Variants in PDIK1L observed in about 807,000 individuals in gnomAD.
PDIK1L encodes the protein serine/threonine-protein kinase PDIK1L.
A neutral mutation model predicts 27.1 loss-of-function variants in PDIK1L; 9 were observed. The observed-to-expected ratio is 0.33, with a 90% CI of 0.20 to 0.58. PDIK1L has a LOEUF of 0.58. Ranked by LOEUF, PDIK1L falls within the 20% of genes least tolerant of loss-of-function variation. PDIK1L has a pLI of 0.86. For missense variants in PDIK1L, 216 were observed against 413.2 expected, an observed-to-expected ratio of 0.52 and a Z score of 4.14; for synonymous variants, 130 against 141.7, an observed-to-expected ratio of 0.92 and a Z score of 0.59.
In PDIK1L at chr1:26,116,958, C is replaced by T. The variant is rs537595973; in HGVS notation, c.285+2365C>T. On this transcript the variant is annotated intron_variant, in intron 2 of 2. Transcript: ENST00000374269. ...CTTGAACTTCTGACCTCAGGTGATC[C>T]ACCCACCTCGGCCTCCCAAAGTGTT... 7.2e-5 allele frequency among the ~76,000 whole-genome samples: 11 copies of T among 151,814 alleles called. No individual in the cohort carries two copies. The East Asian group carries it at 1.9e-3, about 27-fold the overall frequency.
Position 26,122,901 on chromosome 1 carries a change from C to T in PDIK1L, c.*324C>T, listed in dbSNP as rs548770558. 10 of 186,676 alleles carry T rather than the reference C, an allele frequency of 5.4e-5. No individual in the cohort carries two copies. Among genetic ancestry groups the T allele is most frequent in the Middle Eastern group, 2.3e-3 (1 of 436 alleles). 11.6% of individuals were successfully genotyped at this position (186,676 alleles called of 1,614,324 possible). ...GTCTTTAAGTATTTTAGACATTCCTCGTCAGTATTAGGAATTTCCATGGGA... is the reference window on the plus strand; with the variant it reads ...GTCTTTAAGTATTTTAGACATTCCTTGTCAGTATTAGGAATTTCCATGGGA... On this transcript the variant is annotated 3_prime_UTR_variant, in exon 3 of 3. Coordinates refer to ENST00000374269, the MANE Select transcript of PDIK1L (RefSeq NM_152835.5). This position sits in a 1 kb window ranked among gnomAD's most constrained non-coding sequence, Gnocchi z 5.4.
chr1:26,117,397 C>T (rs542272355), intron 2 of PDIK1L, among the ~76,000 whole-genome samples: 5 of 152,246 alleles, frequency 3.3e-5, no homozygotes, highest in Admixed American at 3.3e-4. Context: ...TTATTGTTTG[C>T]TTTTCTTAAA....
intron 2 of PDIK1L, 116 bp from the exon 3 acceptor site, chr1:26,121,717 ATATT>A (rs2087991682): frequency 4.8e-6 from 5 of 1,049,596 alleles, no homozygotes; most frequent in Non-Finnish European, 5.3e-6. Flanking sequence ...ATTAAATAAA[ATATT>A]TATAGAGTTT....
chr1:26,116,704 AGTTTTTT>A (rs772352915), intron 2 of PDIK1L, among the ~76,000 whole-genome samples: 15 of 152,034 alleles, frequency 9.9e-5, no homozygotes, highest in South Asian at 2.1e-4. Context: ...TGTGCCCTGA[AGTTTTTT>A]GTTTTTTGTT....
rs2088028139 is a variant in PDIK1L at position 26,123,516 on chromosome 1, T to C, written c.*939T>C. ...GCTATGTGTGAACTGTAATACTTGA[T>C]ACATTTTTGGTTTGAAGACTTTGTC... On this transcript the variant is annotated 3_prime_UTR_variant, in exon 3 of 3. Coordinates refer to ENST00000374269, the MANE Select transcript of PDIK1L (RefSeq NM_152835.5). 1 of 152,654 alleles carries C rather than the reference T, an allele frequency of 6.6e-6. No homozygotes were observed. Among genetic ancestry groups the C allele is most frequent in the Admixed American group, 6.5e-5 (1 of 15,282 alleles). The allele number at this position is 152,654 out of a possible 1,614,324, so 9.5% of individuals were successfully genotyped here.
chr1:26,117,355 A>G (rs1253692215), intron 2 of PDIK1L, among the ~76,000 whole-genome samples: 1 of 152,104 alleles, frequency 6.6e-6, no homozygotes, highest in Non-Finnish European at 1.5e-5. Flanking sequence ...TTTCCGTTTT[A>G]TGACAGTAAA....
intron 2 of PDIK1L, among the ~76,000 whole-genome samples, chr1:26,115,733 C>T (rs144875780): frequency 0.016 from 2,396 of 151,404 alleles, 76 homozygotes; most frequent in African/African-American, 0.054. Flanking sequence ...ACCGGGGAGG[C>T]GGAGCTTGCC....
intron 1 of PDIK1L, among the ~76,000 whole-genome samples, chr1:26,113,338 A>C (rs183758663): frequency 0.027 from 4,044 of 152,050 alleles, 80 homozygotes; most frequent in Middle Eastern, 0.095. Flanking sequence ...AAAATACAAA[A>C]AAAAATAGCC....
At chr1:26,119,602 C>T (rs1340098606) in intron 2 of PDIK1L, among the ~76,000 whole-genome samples, 1 of 152,202 alleles carries the variant, frequency 6.6e-6, no homozygotes, top group Non-Finnish European at 1.5e-5. Flanking sequence ...GTGGCTCACA[C>T]CTGTAATCCC....
At chr1:26,121,087 A>G (rs1033771955) in intron 2 of PDIK1L, among the ~76,000 whole-genome samples, 30 of 152,220 alleles carry the variant, frequency 2.0e-4, no homozygotes, top group African/African-American at 7.2e-4. Context: ...GATTTAGTCT[A>G]GGTTTTCAGC....
At chr1:26,118,818 C>T (rs2124472449) in intron 2 of PDIK1L, among the ~76,000 whole-genome samples, 1 of 152,254 alleles carries the variant, frequency 6.6e-6, no homozygotes, top group Admixed American at 6.5e-5. Flanking sequence ...TTAGTAAAGA[C>T]AAACAAATCT....
In PDIK1L at chr1:26,123,324, G is replaced by C. The variant is rs1156346329; in HGVS notation, c.*747G>C. 6.6e-6 allele frequency: 1 copy of C among 152,102 alleles called. No homozygotes were observed. The highest frequency in any genetic ancestry group is 1.5e-5 in the Non-Finnish European group (1 of 68,006). The allele number at this position is 152,102 out of a possible 1,614,324, so 9.4% of individuals were successfully genotyped here. ...CCAGTGCCCTATAGCTGCAAGAGTT[G>C]AATTAGTCATGCAGTCATATGGCAG... is the stretch of plus-strand genomic sequence containing the variant. On this transcript the variant is annotated 3_prime_UTR_variant, in exon 3 of 3. Coordinates refer to ENST00000374269, the MANE Select transcript of PDIK1L (RefSeq NM_152835.5).
At position 26,114,336 on chromosome 1, in the gene PDIK1L, C is replaced by A. The variant is rs200676760; in HGVS notation, c.28C>A (p.Leu10Ile). MVSSQPKYDLIREVGRGSYG... is the reference protein window; with the variant it reads MVSSQPKYDIIREVGRGSYG... ...GGTGAGTAGCCAGCCAAAGTACGAT[C>A]TAATACGGGAGGTAGGCCGAGGTAG... is the stretch of plus-strand genomic sequence containing the variant. The change falls in exon 2 of 3, where the codon CTA becomes ATA. Residue 10 changes from leucine (L) to isoleucine (I), a missense_variant. Coordinates refer to ENST00000374269, the MANE Select transcript of PDIK1L (RefSeq NM_152835.5). This position sits in a 1 kb window ranked among gnomAD's most constrained non-coding sequence, Gnocchi z 4.8. The A allele has an allele frequency of 6.2e-7, 1 of 1,613,766 alleles. No individual in the cohort carries two copies. Among genetic ancestry groups the A allele is most frequent in the African/African-American group, 1.3e-5 (1 of 75,036 alleles).
intron 1 of PDIK1L, chr1:26,112,780 T>C (rs1031112010): frequency 1.3e-5 from 2 of 152,270 alleles, no homozygotes; most frequent in African/African-American, 4.8e-5. Flanking sequence ...AGCCTTTTGC[T>C]TCCCCAGCTG....
intron 2 of PDIK1L, among the ~76,000 whole-genome samples, chr1:26,120,616 C>T (rs1017839259): frequency 6.6e-6 from 1 of 152,184 alleles, no homozygotes; most frequent in Admixed American, 6.5e-5. Context: ...TTCTGTTCAA[C>T]TCATGGGTCT....
chr1:26,115,156 T>G (rs906619356), intron 2 of PDIK1L, among the ~76,000 whole-genome samples: 1 of 152,362 alleles, frequency 6.6e-6, no homozygotes, highest in Admixed American at 6.5e-5. Context: ...CGATGCTCTG[T>G]GCTGAGTGCT....
intron 2 of PDIK1L, among the ~76,000 whole-genome samples, chr1:26,120,730 G>A (rs561788387): frequency 6.6e-6 from 1 of 152,240 alleles, no homozygotes; most frequent in East Asian, 1.9e-4. Flanking sequence ...GAGGTGGGCG[G>A]ATCACGAGGT....
In PDIK1L at chr1:26,117,674, C is replaced by A. The variant is rs2124471441; in HGVS notation, c.285+3081C>A. On this transcript the variant is annotated intron_variant, in intron 2 of 2. Transcript: ENST00000374269. ...AGGAGAATTGCTTGAACCCGGGAGG[C>A]AGAGATTGCAGTGAGCCAAGATCAT... Among the ~76,000 whole-genome samples the A allele has an allele frequency of 1.3e-5, 2 of 152,218 alleles. 1 individual carries two copies. The highest frequency in any genetic ancestry group is 4.1e-4 in the South Asian group (2 of 4,824).
In PDIK1L at chr1:26,114,213, C is replaced by A. The variant is rs1299035074; in HGVS notation, c.-17-79C>A. 2.2e-6 allele frequency: 3 copies of A among 1,357,880 alleles called. No homozygotes were observed. Among genetic ancestry groups the A allele is most frequent in the Non-Finnish European group, 3.0e-6 (3 of 1,004,568 alleles). 84.1% of individuals were successfully genotyped at this position (1,357,880 alleles called of 1,614,324 possible). A position where few individuals can be genotyped will look rare whatever the true frequency, so the allele number is the denominator to read the frequency against. ...GCACTGCAGACAGTCAGACAGATGA[C>A]AAGTAAATCATACATAAGAAGAAAT... On this transcript the variant is annotated intron_variant, in intron 1 of 2. Coordinates refer to ENST00000374269, the MANE Select transcript of PDIK1L (RefSeq NM_152835.5). This position sits in a 1 kb window ranked among gnomAD's most constrained non-coding sequence, Gnocchi z 4.8.
Sources: gnomAD v4.1 joint callset for allele counts (sites outside exome capture counted in the v4.1 genomes callset) on GRCh38, gnomAD v4.1.1 for gene constraint, Gnocchi (gnomAD v3.1) non-coding constraint, MANE v1.5 for transcripts, NCBI Gene and HGNC (gene_info 2026-07-23, HGNC 2026-07-21) for gene names.